The following GRK1 variants were observed in gnomAD, a reference collection of about 807,000 sequenced individuals.
The protein encoded by GRK1 is G protein-coupled receptor kinase 1.
GRK1 carries 28 observed loss-of-function variants against 41.7 expected under a neutral mutation model. That is an observed-to-expected ratio of 0.67 (90% CI 0.50 to 0.92). The LOEUF (loss-of-function observed/expected upper bound fraction) is 0.92. GRK1 is among the 40% of genes least tolerant of loss of function. GRK1 has a pLI of 0.00. For missense variants in GRK1, 703 were observed against 671.2 expected, an observed-to-expected ratio of 1.05 and a Z score of -0.52; for synonymous variants, 327 against 286.7, an observed-to-expected ratio of 1.14 and a Z score of -1.42.
intron 6 of GRK1, among the ~76,000 whole-genome samples, chr13:113,733,715 A>ATGTGTGTGCATGTGTGCG (rs1566699743): frequency 2.1e-5 from 2 of 96,960 alleles, no homozygotes; most frequent in Non-Finnish European, 1.9e-5. Context: ...GTGTGTGCGC[A>ATGTGTGTGCATGTGTGCG]CGTGTGTGTG....
chr13:113,671,588 AGCACCT>A lies in GRK1; in HGVS notation c.923_928del (p.Leu308_His309del), dbSNP rs1196627614. On this transcript the variant is annotated inframe_deletion, in exon 3 of 7. Transcript: ENST00000335678. This position sits in a 1 kb window ranked among gnomAD's most constrained non-coding sequence, Gnocchi z 4.1. ...ACGGCGCAGATCATCTGCGGCCTGG[AGCACCT>A]GCACCAGAGGCGGATCGTCTACCGC... 1 of 775,562 alleles carries A rather than the reference AGCACCT, an allele frequency of 1.3e-6. No individual in the cohort carries two copies. The highest frequency in any genetic ancestry group is 2.4e-6 in the Non-Finnish European group (1 of 417,940). The allele number at this position is 775,562 out of a possible 1,614,324, so 48.0% of individuals were successfully genotyped here.
At chr13:113,654,977 C>T in the GRK1 span, 1 of 1,612,446 alleles carries the variant, frequency 6.2e-7, no homozygotes, top group Non-Finnish European at 8.5e-7. Flanking sequence ...TTTACCACGT[C>T]AGCCATTTTA....
Position 113,727,246 on chromosome 13 carries a change from C to T in GRK1, c.1070-3973C>T, listed in dbSNP as rs377148059. On this transcript the variant is annotated intron_variant, in intron 4 of 6. Transcript: ENST00000335678. Reference sequence around the variant, plus strand: ...AGGACCCTGCTTGGTCAGCATGCAGCCATCTGGAGGGAGGGCCCAGAGCTC... The same window carrying T: ...AGGACCCTGCTTGGTCAGCATGCAGTCATCTGGAGGGAGGGCCCAGAGCTC... Among the ~76,000 whole-genome samples, 45 of 152,366 alleles carry T rather than the reference C, an allele frequency of 3.0e-4. 1 individual carries two copies. The South Asian group carries it at 9.1e-3, about 31-fold the overall frequency.
the GRK1 span, chr13:113,658,108 G>A: frequency 7.3e-5 from 117 of 1,612,588 alleles, no homozygotes; most frequent in Middle Eastern, 1.6e-4. Context: ...TCCTCCATGC[G>A]CTGGCCACAC....
At chr13:113,727,653 ATGAGGACCCATGGCG>A (rs1431814802) in intron 4 of GRK1, among the ~76,000 whole-genome samples, 56 of 143,356 alleles carry the variant, frequency 3.9e-4, no homozygotes, top group African/African-American at 1.4e-3. Context: ...ACCCATGGCG[ATGAGGACCCATGGCG>A]ATGAGGAGTA....
chr13:113,732,663 A>G (rs542793031), intron 5 of GRK1, among the ~76,000 whole-genome samples: 40 of 152,150 alleles, frequency 2.6e-4, no homozygotes, highest in Non-Finnish European at 5.1e-4. Flanking sequence ...AGAGTCCCCA[A>G]AATGCACGGC....
chr13:113,654,533 A>T, the GRK1 span, among the ~76,000 whole-genome samples: 2 of 152,252 alleles, frequency 1.3e-5, no homozygotes, highest in African/African-American at 4.8e-5. Context: ...TCATAATTAA[A>T]ACTAAAGCCA....
the GRK1 span, chr13:113,658,198 T>G: frequency 6.7e-7 from 1 of 1,502,084 alleles, no homozygotes; most frequent in Non-Finnish European, 9.1e-7. Flanking sequence ...ACGCCCAGAC[T>G]GAGGCCAGAT....
chr13:113,729,710 C>G (rs1244949767), intron 4 of GRK1, among the ~76,000 whole-genome samples: 1 of 152,206 alleles, frequency 6.6e-6, no homozygotes, highest in Non-Finnish European at 1.5e-5. Flanking sequence ...TCCCTCCGCC[C>G]TCTGTCCTGT....
At chr13:113,652,363 G>A in the GRK1 span, among the ~76,000 whole-genome samples, 6 of 152,248 alleles carry the variant, frequency 3.9e-5, no homozygotes, top group East Asian at 5.8e-4. Flanking sequence ...ACAGCTGCCC[G>A]GAGGCCCAGC....
chr13:113,734,970 T>C lies in GRK1; in HGVS notation c.1397-98T>C. On this transcript the variant is annotated intron_variant, in intron 6 of 6. Transcript: ENST00000335678. ...CTAAGGAAGAGCGGCCCCAGGCCTT[T>C]GTGCATCTGGGAGCCATGGGGGAGG... 8 of 1,207,172 alleles carry C rather than the reference T, an allele frequency of 6.6e-6. No homozygotes were observed. In the South Asian group the frequency reaches 9.9e-5, roughly 15 times the overall value. The allele number at this position is 1,207,172 out of a possible 1,614,324, so 74.8% of individuals were successfully genotyped here.
At chr13:113,663,034 A>T (rs1387747001), upstream of GRK1, among the ~76,000 whole-genome samples, 2 of 152,234 alleles carry the variant, frequency 1.3e-5, no homozygotes, top group Non-Finnish European at 2.9e-5. Context: ...CATTTTTTGA[A>T]ATTTTTTTTG....
chr13:113,734,744 C>G, intron 6 of GRK1: 1 of 227,372 alleles, frequency 4.4e-6, no homozygotes, highest in Non-Finnish European at 8.5e-6. Flanking sequence ...GGGGAGGAGA[C>G]CGCTTCATGA....
At chr13:113,734,915 G>A (rs1729576081) in intron 6 of GRK1, 153 bp from the exon 7 acceptor site, 3 of 712,120 alleles carry the variant, frequency 4.2e-6, no homozygotes, top group Admixed American at 3.4e-5. Context: ...GGAACACTGG[G>A]CTTTCTCTCT....
At chr13:113,652,574 C>T in the GRK1 span, 1 of 465,486 alleles carries the variant, frequency 2.1e-6, no homozygotes, top group Non-Finnish European at 4.0e-6. Flanking sequence ...TTACCTGGCC[C>T]TGGCATCTCT....
rs2049833049 is a variant in GRK1, at chr13:113,668,187, T to G, written c.699+102T>G. The stretch of plus-strand genomic sequence containing the variant: ...AGGTCACTGTCGGCTCCGGGGCCCT[T>G]AACAGCTGGTGCCTAAGGGAGCATG... On this transcript the variant is annotated intron_variant, in intron 1 of 6. Transcript: ENST00000335678. 16 of 1,238,680 alleles carry G rather than the reference T, an allele frequency of 1.3e-5. No individual in the cohort carries two copies. In the Admixed American group the frequency reaches 3.8e-4, roughly 30 times the overall value. 76.7% of individuals were successfully genotyped at this position (1,238,680 alleles called of 1,614,324 possible).
In GRK1 at chr13:113,667,996, G is replaced by A; in HGVS notation, c.610G>A (p.Val204Met). 1 of 1,611,604 alleles carries A rather than the reference G, an allele frequency of 6.2e-7. No homozygotes were observed. The highest frequency in any genetic ancestry group is 8.5e-7 in the Non-Finnish European group (1 of 1,179,050). The change falls in exon 1 of 7, where the codon GTG becomes ATG. Residue 204 changes from valine (V) to methionine (M), a missense_variant. Transcript: ENST00000335678. The surrounding 1 kb of genome is among the most constrained non-coding windows in gnomAD (Gnocchi z 7.5). ...RVLGKGGFGE[V>M]SACQMKATGK... ...CCTAGGGAAAGGGGGCTTCGGGGAG[G>A]TGTCGGCCTGCCAGATGAAGGCGAC... is the stretch of plus-strand genomic sequence containing the variant.
chr13:113,651,265 T>C, the GRK1 span, among the ~76,000 whole-genome samples: 55 of 152,350 alleles, frequency 3.6e-4, no homozygotes, highest in East Asian at 4.4e-3. Context: ...TAGCCTGAGA[T>C]CGATGCCAAC....
Position 113,667,558 on chromosome 13 carries a change from T to C in GRK1, c.172T>C (p.Phe58Leu), listed in dbSNP as rs2049826766. 1 of 1,613,290 alleles carries C rather than the reference T, an allele frequency of 6.2e-7. No individual in the cohort carries two copies. The highest frequency in any genetic ancestry group is 1.7e-5 in the Admixed American group (1 of 59,998). ...CCTCCGCGACAGCCTCAGCCTGGAG[T>C]TTGAGAGTGTGTGCTTGGAGCAGCC... ...ESLRDSLSLE[F>L]ESVCLEQPIG... Residue 58 changes from phenylalanine (F) to leucine (L), a missense_variant, in exon 1 of 7, where the codon TTT (phenylalanine) becomes CTT (leucine). Phe to Leu is a conservative substitution (Grantham distance 22). Transcript: ENST00000335678. The surrounding 1 kb of genome is among the most constrained non-coding windows in gnomAD (Gnocchi z 7.5).
Sources: allele counts gnomAD v4.1 joint callset (sites outside exome capture counted in the v4.1 genomes callset), GRCh38; gene constraint gnomAD v4.1.1; non-coding constraint Gnocchi (gnomAD v3.1); transcripts MANE v1.5; gene names NCBI Gene and HGNC (gene_info 2026-07-23, HGNC 2026-07-21).